Variants in METAP2 observed in about 807,000 individuals in gnomAD.
METAP2 encodes methionine aminopeptidase 2.
In METAP2, 25 loss-of-function variants were observed where a neutral mutation model predicts 59.4. The observed-to-expected ratio is 0.42, with a 90% confidence interval of 0.31 to 0.59. The LOEUF (loss-of-function observed/expected upper bound fraction) is 0.59, where lower values mean the gene tolerates loss of function less well. Among genes scored for constraint, METAP2 ranks in the 20% least tolerant of loss-of-function variants. The probability of loss-of-function intolerance (pLI) is 0.16; values close to 1 mark genes in which losing one functional copy is unlikely to be tolerated. For synonymous variants in METAP2, 214 were observed against 194.1 expected (o/e 1.10, Z -0.85); for missense variants, 366 against 581.2 (o/e 0.63, Z 3.81).
At chr12:95,484,523 A>C (rs1197858486) in intron 3 of METAP2, among the ~76,000 whole-genome samples, 1 of 152,168 alleles carries the variant, frequency 6.6e-6, no homozygotes, top group Non-Finnish European at 1.5e-5. Flanking sequence ...TATTTCTTCA[A>C]ATACTCTAAA....
At chr12:95,501,065 A>G (rs1479454139) in intron 7 of METAP2, among the ~76,000 whole-genome samples, 2 of 140,392 alleles carry the variant, frequency 1.4e-5, no homozygotes, top group Non-Finnish European at 3.0e-5. Context: ...AGGCTGGAGT[A>G]CAGTGGTATG....
intron 3 of METAP2, among the ~76,000 whole-genome samples, chr12:95,484,020 C>T (rs301038): frequency 0.2 from 29,710 of 151,616 alleles, 3,294 homozygotes; most frequent in African/African-American, 0.29. Context: ...ATCAGGTGCC[C>T]GAAAATATAT....
chr12:95,495,274 G>A, intron 6 of METAP2, 136 bp downstream of exon 6: 3 of 701,854 alleles, frequency 4.3e-6, no homozygotes, highest in East Asian at 2.8e-5. Flanking sequence ...GGTGTGTTGA[G>A]GCAGATTTTT....
intron 2 of METAP2, among the ~76,000 whole-genome samples, chr12:95,476,383 A>C (rs1436786952): frequency 1.3e-5 from 2 of 152,032 alleles, no homozygotes; most frequent in Non-Finnish European, 2.9e-5. Flanking sequence ...GTGGTAGCAC[A>C]CACCTGTAAT....
intron 2 of METAP2, among the ~76,000 whole-genome samples, chr12:95,479,791 T>C (rs960762040): frequency 6.6e-6 from 1 of 152,124 alleles, no homozygotes. Context: ...GTATTTTTAG[T>C]AGAGACAGGG....
Position 95,514,382 on chromosome 12 carries a change from G to T in METAP2, c.*478G>T, listed in dbSNP as rs2140170832. The stretch of plus-strand genomic sequence containing the variant: ...ATGTCTGTGGTTATAATTCTGGACA[G>T]GATAAATAGCTAAACTTAATGTAGG... On this transcript the variant is annotated 3_prime_UTR_variant, in exon 11 of 11. Coordinates refer to ENST00000323666, the MANE Select transcript of METAP2 (RefSeq NM_006838.4). 1 of 153,588 alleles carries T rather than the reference G, an allele frequency of 6.5e-6. No individual in the cohort carries two copies. Among genetic ancestry groups the T allele is most frequent in the Middle Eastern group, 3.4e-3 (1 of 296 alleles). The allele number at this position is 153,588 out of a possible 1,614,324, so 9.5% of individuals were successfully genotyped here.
rs551472380 is a variant in METAP2 at position 95,503,051 on chromosome 12, G to T, written c.868-1014G>T. On this transcript the variant is annotated intron_variant, in intron 7 of 10. Coordinates refer to ENST00000323666, the MANE Select transcript of METAP2 (RefSeq NM_006838.4). Reference sequence around the variant, plus strand: ...TGTGTAGTGGTAGATCTGCCATCAGGTGTTTTTTCAGGGATAGTTTCTGTC... The same window carrying T: ...TGTGTAGTGGTAGATCTGCCATCAGTTGTTTTTTCAGGGATAGTTTCTGTC... Among the ~76,000 whole-genome samples the T allele has an allele frequency of 4.0e-4, 60 of 150,612 alleles. No homozygotes were observed. In the South Asian group the frequency reaches 0.012, roughly 31 times the overall value.
chr12:95,498,834 C>A (rs145153045), intron 7 of METAP2, among the ~76,000 whole-genome samples: 36 of 152,074 alleles, frequency 2.4e-4, no homozygotes, highest in Admixed American at 1.1e-3. Context: ...GGTAAGATAG[C>A]AAGACCCCAA....
Position 95,513,761 on chromosome 12 carries a change from C to T in METAP2, c.1294C>T (p.Leu432=), listed in dbSNP as rs1272409547. ...RLGESKYLMA[L]KNLCDLGIVD... is the part of the protein sequence containing the mutation. The stretch of plus-strand genomic sequence containing the variant: ...GGGAGAAAGTAAATACTTGATGGCT[C>T]TGAAGAATCTGTGTGACTTGGGCAT... Residue 432 remains leucine, a synonymous_variant, in exon 11 of 11, where the codon CTG becomes TTG. Coordinates refer to ENST00000323666, the MANE Select transcript of METAP2 (RefSeq NM_006838.4). 3.1e-6 allele frequency: 5 copies of T among 1,614,194 alleles called. No individual in the cohort carries two copies. In the African/African-American group the frequency reaches 5.3e-5, roughly 17 times the overall value.
intron 4 of METAP2, among the ~76,000 whole-genome samples, chr12:95,488,729 A>G (rs7979711): frequency 0.094 from 14,334 of 152,050 alleles, 713 homozygotes; most frequent in East Asian, 0.2. Flanking sequence ...CCTTTGTCAC[A>G]TGCTGTATTC....
chr12:95,496,934 C>G (rs1248529925), intron 7 of METAP2, among the ~76,000 whole-genome samples: 1 of 149,070 alleles, frequency 6.7e-6, no homozygotes, highest in Non-Finnish European at 1.5e-5. Context: ...AAGTGATACT[C>G]CTGCCTCAGC....
At chr12:95,491,944 A>G (rs1010195822) in intron 4 of METAP2, among the ~76,000 whole-genome samples, 2 of 151,906 alleles carry the variant, frequency 1.3e-5, no homozygotes, top group Non-Finnish European at 2.9e-5. Context: ...AGCTGGGACT[A>G]CAGGCATGTA....
At position 95,500,702 on chromosome 12, in the gene METAP2, T is replaced by C. The variant is rs370712810; in HGVS notation, c.868-3363T>C. 1.6e-4 allele frequency among the ~76,000 whole-genome samples: 25 copies of C among 152,364 alleles called. No homozygotes were observed. In the East Asian group the frequency reaches 4.0e-3, roughly 25 times the overall value. Reference sequence around the variant, plus strand: ...TTATTAGATTGATCTGTTTTTCTTATGTTGAACCATCTTTGGAATAAATCC... The same window carrying C: ...TTATTAGATTGATCTGTTTTTCTTACGTTGAACCATCTTTGGAATAAATCC... On this transcript the variant is annotated intron_variant, in intron 7 of 10. Coordinates refer to ENST00000323666, the MANE Select transcript of METAP2 (RefSeq NM_006838.4).
chr12:95,492,365 CTT>C (rs957154422), intron 4 of METAP2, among the ~76,000 whole-genome samples: 2 of 151,942 alleles, frequency 1.3e-5, no homozygotes, highest in African/African-American at 4.8e-5. Flanking sequence ...AAATAATACT[CTT>C]AGTAAAGGTG....
At chr12:95,501,093 C>G (rs1471623730) in intron 7 of METAP2, among the ~76,000 whole-genome samples, 1 of 148,932 alleles carries the variant, frequency 6.7e-6, no homozygotes, top group African/African-American at 2.5e-5. Context: ...TTCACTGCAG[C>G]CTTGACCTAC....
At chr12:95,496,882 T>A (rs2076279535) in intron 7 of METAP2, among the ~76,000 whole-genome samples, 1 of 145,540 alleles carries the variant, frequency 6.9e-6, no homozygotes, top group African/African-American at 2.6e-5. Flanking sequence ...TGGAGTGCAG[T>A]GGCACGATCT....
rs1174732250 is a variant in METAP2 at position 95,480,127 on chromosome 12, T to G, written c.260-3088T>G. ...CCTAGTTTTGGCCTTTCCTGGAGTA[T>G]CCTATAAATGGAATTATTCGGTATG... is the stretch of plus-strand genomic sequence containing the variant. On this transcript the variant is annotated intron_variant, in intron 2 of 10. Transcript: ENST00000323666. Among the ~76,000 whole-genome samples the G allele has an allele frequency of 2.6e-5, 4 of 152,354 alleles. No individual in the cohort carries two copies. The East Asian group carries it at 7.7e-4, about 29-fold the overall frequency.
chr12:95,474,464 A>T, intron 1 of METAP2, 134 bp downstream of exon 1: 4 of 920,364 alleles, frequency 4.3e-6, no homozygotes, highest in South Asian at 1.8e-5. Context: ...AGGGTGGCAA[A>T]GCCGGGCTAT....
At chr12:95,486,685 C>T (rs2076199577) in intron 4 of METAP2, among the ~76,000 whole-genome samples, 2 of 151,946 alleles carry the variant, frequency 1.3e-5, no homozygotes, top group African/African-American at 4.8e-5. Flanking sequence ...TTAATAGAGA[C>T]GGGGTTCCTC....
Sources: allele counts gnomAD v4.1 joint callset (sites outside exome capture counted in the v4.1 genomes callset), GRCh38; gene constraint gnomAD v4.1.1; transcripts MANE v1.5; gene names NCBI Gene and HGNC (gene_info 2026-07-23, HGNC 2026-07-21).